SHANK2: variants seen among roughly 807,000 people sequenced by gnomAD.
SHANK2 encodes the protein SH3 and multiple ankyrin repeat domains protein 2.
Under a neutral mutation model 133.7 loss-of-function variants are expected in SHANK2, and 43 were observed. The ratio of observed to expected loss-of-function variants is 0.32; its 90% CI spans 0.25 to 0.41. The LOEUF (loss-of-function observed/expected upper bound fraction) is 0.41, where lower values mean the gene tolerates loss of function less well. SHANK2 is among the 10% of genes least tolerant of loss of function. SHANK2 has a pLI of 1.00. For synonymous variants in SHANK2, 1,017 were observed against 952.8 expected, an observed-to-expected ratio of 1.07 and a Z score of -1.24; for missense variants, 1,994 against 2,235.8, an observed-to-expected ratio of 0.89 and a Z score of 2.18.
chr11:71,214,351 T>C (rs1954355356), intron 2 of SHANK2, among the ~76,000 whole-genome samples: 1 of 152,014 alleles, frequency 6.6e-6, no homozygotes, highest in Admixed American at 6.5e-5. Context: ...GCGTGCTGGC[T>C]CCCCTCTGGA....
intron 1 of SHANK2, among the ~76,000 whole-genome samples, chr11:71,250,912 T>C (rs950939082): frequency 4.6e-5 from 7 of 152,126 alleles, no homozygotes; most frequent in African/African-American, 1.7e-4. Context: ...GAAGCTTAAT[T>C]AGCTGATTGG....
chr11:70,708,370 G>A (rs567640186), intron 14 of SHANK2, among the ~76,000 whole-genome samples: 28 of 152,276 alleles, frequency 1.8e-4, no homozygotes, highest in Admixed American at 8.5e-4. Context: ...CCTGGACACT[G>A]CAGGGCTTTG....
rs79742697 is a variant in SHANK2 at position 71,237,051 on chromosome 11, C to G, written c.-112-12255G>C. On this transcript the variant is annotated intron_variant, in intron 1 of 25. Coordinates refer to ENST00000601538, the MANE Select transcript of SHANK2 (RefSeq NM_012309.5). ...GATCTAGCATTTTGGGAAGTCTTCT[C>G]CCACAGTGACCCTGGAAATGGTCAC... 6.1e-3 allele frequency among the ~76,000 whole-genome samples: 926 copies of G among 152,306 alleles called. 17 individuals are homozygous for G. In the East Asian group the frequency reaches 0.068, roughly 11 times the overall value.
chr11:71,213,473 C>T (rs1954328999), intron 2 of SHANK2, among the ~76,000 whole-genome samples: 1 of 152,202 alleles, frequency 6.6e-6, no homozygotes, highest in South Asian at 2.1e-4. Flanking sequence ...GTTTTTAACT[C>T]AAAGTCCATT....
intron 11 of SHANK2, among the ~76,000 whole-genome samples, chr11:70,837,655 C>T (rs1948839897): frequency 6.6e-6 from 1 of 152,166 alleles, no homozygotes; most frequent in Admixed American, 6.5e-5. Context: ...ACTGCATCAC[C>T]AGCACAGAGC....
At chr11:70,614,295 A>C (rs1168885105) in intron 17 of SHANK2, among the ~76,000 whole-genome samples, 1 of 148,824 alleles carries the variant, frequency 6.7e-6, no homozygotes, top group African/African-American at 2.5e-5. Context: ...TGCTGTTTTA[A>C]GCCAGACAGT....
intron 2 of SHANK2, among the ~76,000 whole-genome samples, chr11:71,184,217 G>A (rs1953626487): frequency 6.6e-6 from 1 of 152,136 alleles, no homozygotes; most frequent in South Asian, 2.1e-4. Context: ...GGGAGGCCTT[G>A]TGATTTTCAG....
chr11:70,910,106 A>C (rs1950168550), intron 10 of SHANK2, among the ~76,000 whole-genome samples: 4 of 152,112 alleles, frequency 2.6e-5, no homozygotes, highest in African/African-American at 9.7e-5. Flanking sequence ...TGGTCATATC[A>C]GATTAGGGCC....
chr11:71,162,361 T>C (rs782522161), intron 2 of SHANK2, among the ~76,000 whole-genome samples: 39 of 152,070 alleles, frequency 2.6e-4, no homozygotes, highest in Non-Finnish European at 4.9e-4. Context: ...AAGCCATAAG[T>C]CCCATCATGG....
intron 9 of SHANK2, among the ~76,000 whole-genome samples, chr11:71,073,121 C>CTTT: frequency 8.9e-6 from 1 of 111,880 alleles, no homozygotes; most frequent in African/African-American, 3.1e-5. Flanking sequence ...GGAAGGCTTG[C>CTTT]TTTTTGTTTT....
chr11:70,704,379 C>T lies in SHANK2; in HGVS notation c.1778-5616G>A, dbSNP rs542780571. ...AAACTGCCGTGGCTACATAGCTTCTCTGGGGACACAGCCGCTTCCCTTCCC... is the reference window on the plus strand; with the variant it reads ...AAACTGCCGTGGCTACATAGCTTCTTTGGGGACACAGCCGCTTCCCTTCCC... On this transcript the variant is annotated intron_variant, in intron 14 of 25. Coordinates refer to ENST00000601538, the MANE Select transcript of SHANK2 (RefSeq NM_012309.5). Among the ~76,000 whole-genome samples the T allele has an allele frequency of 1.2e-3, 188 of 152,362 alleles. 3 individuals carry two copies. In the South Asian group the frequency reaches 0.038, roughly 30 times the overall value.
chr11:70,574,187 T>C (rs2060086730), intron 17 of SHANK2, among the ~76,000 whole-genome samples: 2 of 152,212 alleles, frequency 1.3e-5, no homozygotes, highest in South Asian at 4.1e-4. Flanking sequence ...CCTGCCTCAG[T>C]TTACCCTGCT....
At chr11:71,057,278 G>A (rs1056889917) in intron 9 of SHANK2, among the ~76,000 whole-genome samples, 4 of 152,050 alleles carry the variant, frequency 2.6e-5, no homozygotes, top group Non-Finnish European at 4.4e-5. Context: ...AGGTTGCAGT[G>A]AGCCGAGATC....
rs1408511519 is a variant in SHANK2 at position 70,933,915 on chromosome 11, C to A, written c.1108-37348G>T. ...ACTGTGTCTCAAAAAAAAAAAAAAA[C>A]AAAAAACAAACAAACAAACAAACAA... On this transcript the variant is annotated intron_variant, in intron 10 of 25. Coordinates refer to ENST00000601538, the MANE Select transcript of SHANK2 (RefSeq NM_012309.5). Among the ~76,000 whole-genome samples, 206 of 132,620 alleles carry A rather than the reference C, an allele frequency of 1.6e-3. 1 individual carries two copies. Among genetic ancestry groups the A allele is most frequent in the East Asian group, 0.01 (45 of 4,432 alleles). The allele number at this position is 132,620 out of a possible 152,430, so 87.0% of individuals were successfully genotyped here.
At chr11:70,903,976 A>C (rs1267518025) in intron 10 of SHANK2, among the ~76,000 whole-genome samples, 1 of 152,090 alleles carries the variant, frequency 6.6e-6, no homozygotes, top group East Asian at 1.9e-4. Context: ...GCAGCACCCC[A>C]AATTCCCAGC....
chr11:70,508,235 C>T (rs1467576546), intron 17 of SHANK2, among the ~76,000 whole-genome samples: 2 of 152,214 alleles, frequency 1.3e-5, no homozygotes, highest in African/African-American at 4.8e-5. Flanking sequence ...TGGGCACACA[C>T]CTGCCCTGTC....
chr11:70,744,050 C>T (rs530068943), intron 14 of SHANK2, among the ~76,000 whole-genome samples: 9 of 152,334 alleles, frequency 5.9e-5, no homozygotes, highest in South Asian at 2.1e-4. Context: ...CTGGGCATCC[C>T]GGGCCACACT....
intron 10 of SHANK2, among the ~76,000 whole-genome samples, chr11:70,940,655 A>T (rs1220155256): frequency 6.6e-6 from 1 of 152,136 alleles, no homozygotes; most frequent in Non-Finnish European, 1.5e-5. Flanking sequence ...TTCTCAGAGG[A>T]TAAATTATAA....
chr11:70,496,718 G>A (rs1591503683), intron 21 of SHANK2, among the ~76,000 whole-genome samples: 1 of 152,112 alleles, frequency 6.6e-6, no homozygotes, highest in South Asian at 2.1e-4. Context: ...TGGGGCTGGC[G>A]CTGGGGTCCC....
Sources: gnomAD v4.1 joint callset for allele counts (sites outside exome capture counted in the v4.1 genomes callset) on GRCh38, gnomAD v4.1.1 for gene constraint, MANE v1.5 for transcripts, NCBI Gene and HGNC (gene_info 2026-07-23, HGNC 2026-07-21) for gene names.